The following TBC1D5 variants were observed in gnomAD, a reference collection of about 807,000 sequenced individuals.
TBC1D5 encodes TBC1 domain family member 5.
TBC1D5 carries 75 observed loss-of-function variants against 100.3 expected under a neutral mutation model. The observed-to-expected ratio is 0.75, with a 90% CI of 0.62 to 0.91. The LOEUF (loss-of-function observed/expected upper bound fraction) is 0.91, where lower values mean the gene tolerates loss of function less well. TBC1D5 is among the 40% of genes least tolerant of loss of function. The pLI, the probability that TBC1D5 is intolerant of heterozygous loss-of-function variation, is 0.00. For missense variants in TBC1D5, 910 were observed against 942.4 expected, an observed-to-expected ratio of 0.97 and a Z score of 0.45; for synonymous variants, 323 against 325.6, an observed-to-expected ratio of 0.99 and a Z score of 0.09.
intron 3 of TBC1D5, among the ~76,000 whole-genome samples, chr3:17,471,367 CTTA>C (rs1025681500): frequency 6.6e-5 from 10 of 152,190 alleles, no homozygotes; most frequent in African/African-American, 1.9e-4. Context: ...ATATTCTATT[CTTA>C]TTATGCTTAA....
At chr3:17,566,335 G>A (rs1019078521) in intron 2 of TBC1D5, among the ~76,000 whole-genome samples, 9 of 151,672 alleles carry the variant, frequency 5.9e-5, no homozygotes, top group African/African-American at 2.2e-4. Context: ...CTGATAAGTA[G>A]GGACAAACTA....
intron 1 of TBC1D5, among the ~76,000 whole-genome samples, chr3:17,701,297 C>T (rs182147162): frequency 3.9e-5 from 6 of 151,906 alleles, no homozygotes; most frequent in South Asian, 2.1e-4. Context: ...GGACATAAGG[C>T]GGGGAACATC....
chr3:17,326,933 C>T (rs73145814), intron 13 of TBC1D5, among the ~76,000 whole-genome samples: 1 of 152,236 alleles, frequency 6.6e-6, no homozygotes, highest in South Asian at 2.1e-4. Context: ...TTCTCTCATA[C>T]CCTACGTTTA....
chr3:17,333,092 G>C (rs2087104466), intron 13 of TBC1D5: 1 of 152,346 alleles, frequency 6.6e-6, no homozygotes, highest in African/African-American at 2.4e-5. Flanking sequence ...GTGTCACATA[G>C]TGCTGGAGCT....
intron 3 of TBC1D5, among the ~76,000 whole-genome samples, chr3:17,467,737 A>G (rs996452613): frequency 6.6e-6 from 1 of 151,766 alleles, no homozygotes; most frequent in African/African-American, 2.4e-5. Context: ...AATAATAATA[A>G]TAATAATAAA....
intron 2 of TBC1D5, among the ~76,000 whole-genome samples, chr3:17,551,313 C>T (rs1321130074): frequency 6.6e-6 from 1 of 152,004 alleles, no homozygotes; most frequent in African/African-American, 2.4e-5. Context: ...GGGCAGAGAC[C>T]ACCTGAATAG....
At chr3:17,316,688 G>A (rs1235910450) in intron 13 of TBC1D5, among the ~76,000 whole-genome samples, 1 of 152,184 alleles carries the variant, frequency 6.6e-6, no homozygotes, top group African/African-American at 2.4e-5. Flanking sequence ...TGCTAGTGAG[G>A]AGCTATTCTG....
At chr3:17,488,655 T>C (rs1560001254) in intron 3 of TBC1D5, among the ~76,000 whole-genome samples, 1 of 152,206 alleles carries the variant, frequency 6.6e-6, no homozygotes, top group Non-Finnish European at 1.5e-5. Flanking sequence ...TGTCATTGTT[T>C]AGGATCTTAA....
intron 15 of TBC1D5, among the ~76,000 whole-genome samples, chr3:17,262,955 A>G (rs945805412): frequency 6.6e-6 from 1 of 151,560 alleles, no homozygotes; most frequent in Non-Finnish European, 1.5e-5. Context: ...GGCTGGGTGC[A>G]GTGGTTCATG....
At chr3:17,615,977 G>A (rs577680638) in intron 2 of TBC1D5, among the ~76,000 whole-genome samples, 29 of 152,174 alleles carry the variant, frequency 1.9e-4, no homozygotes, top group African/African-American at 5.8e-4. Context: ...TAATTGTGAC[G>A]TTAGGGTGTC....
intron 2 of TBC1D5, among the ~76,000 whole-genome samples, chr3:17,563,917 G>C (rs1317715504): frequency 2.0e-5 from 3 of 152,120 alleles, no homozygotes; most frequent in African/African-American, 7.2e-5. Context: ...CGAGTAGCTG[G>C]GACTACAAGC....
At chr3:17,722,009 A>C (rs12632570) in intron 1 of TBC1D5, among the ~76,000 whole-genome samples, 87,195 of 151,902 alleles carry the variant, frequency 0.57, 25,845 homozygotes, top group East Asian at 0.99. Flanking sequence ...ACTACTACTA[A>C]TAATAATAAT....
chr3:17,214,415 C>T lies in TBC1D5; in HGVS notation c.1589-45G>A, dbSNP rs1287180986. 3 of 1,577,886 alleles carry T rather than the reference C, an allele frequency of 1.9e-6. No homozygotes were observed. In the South Asian group the frequency reaches 3.5e-5, roughly 18 times the overall value. ...GCAATAATGAAACACCAGACTCTTTCACTAAGCTATTCGATCTACTGTTTT... is the reference window on the plus strand; with the variant it reads ...GCAATAATGAAACACCAGACTCTTTTACTAAGCTATTCGATCTACTGTTTT... On this transcript the variant is annotated intron_variant, in intron 17 of 21. Coordinates refer to ENST00000253692, the Ensembl canonical transcript of TBC1D5.
chr3:17,393,906 A>T (rs1348393250), intron 8 of TBC1D5, among the ~76,000 whole-genome samples: 2 of 152,228 alleles, frequency 1.3e-5, no homozygotes, highest in African/African-American at 4.8e-5. Flanking sequence ...TTCAGGACAC[A>T]GGCATGGACA....
intron 4 of TBC1D5, among the ~76,000 whole-genome samples, chr3:17,425,002 G>C (rs929572467): frequency 6.6e-6 from 1 of 152,212 alleles, no homozygotes; most frequent in Middle Eastern, 3.4e-3. Context: ...GGTTAAGCTT[G>C]TTCTTAAGCA....
intron 1 of TBC1D5, among the ~76,000 whole-genome samples, chr3:17,646,180 G>A (rs1267389065): frequency 2.0e-5 from 3 of 152,088 alleles, no homozygotes; most frequent in Non-Finnish European, 4.4e-5. Context: ...CACACAGAAA[G>A]AAGATGGCCA....
intron 2 of TBC1D5, among the ~76,000 whole-genome samples, chr3:17,534,095 T>C (rs1241437723): frequency 6.6e-6 from 1 of 152,042 alleles, no homozygotes; most frequent in Non-Finnish European, 1.5e-5. Context: ...AAGAAATAGA[T>C]CAAGAAAGCA....
intron 13 of TBC1D5, among the ~76,000 whole-genome samples, chr3:17,333,598 A>G (rs2151212229): frequency 6.6e-6 from 1 of 152,272 alleles, no homozygotes; most frequent in South Asian, 2.1e-4. Flanking sequence ...AAGCAGAGGG[A>G]TAAGGGTCAG....
At chr3:17,359,790 C>T (rs769583254) in intron 13 of TBC1D5, among the ~76,000 whole-genome samples, 1 of 151,828 alleles carries the variant, frequency 6.6e-6, no homozygotes, top group Admixed American at 6.6e-5. Context: ...TAGAAAAGAG[C>T]TTATTAGAGC....
Sources: allele counts gnomAD v4.1 joint callset (sites outside exome capture counted in the v4.1 genomes callset), GRCh38; gene constraint gnomAD v4.1.1; transcripts MANE v1.5; gene names NCBI Gene and HGNC (gene_info 2026-07-23, HGNC 2026-07-21).